The following CASKIN1 variants were observed in gnomAD, a reference collection of about 807,000 sequenced individuals.
The protein encoded by CASKIN1 is CASK interacting protein 1.
Under a neutral mutation model 117.5 loss-of-function variants are expected in CASKIN1, and 42 were observed. The ratio of observed to expected loss-of-function variants is 0.36; its 90% confidence interval spans 0.28 to 0.46. CASKIN1 has a LOEUF of 0.46. Among genes scored for constraint, CASKIN1 ranks in the 20% least tolerant of loss-of-function variants. The probability of loss-of-function intolerance (pLI) is 1.00; values close to 1 mark genes in which losing one functional copy is unlikely to be tolerated. For missense variants in CASKIN1, 2,083 were observed against 2,077.3 expected, an observed-to-expected ratio of 1.00 and a Z score of -0.05; for synonymous variants, 1,148 against 961.7, an observed-to-expected ratio of 1.19 and a Z score of -3.59.
Position 2,178,973 on chromosome 16 carries a change from T to G in CASKIN1, c.4128A>C (p.Thr1376=), listed in dbSNP as rs1489081781. 6.9e-7 allele frequency: 1 copy of G among 1,455,960 alleles called. No homozygotes were observed. Among genetic ancestry groups the G allele is most frequent in the Non-Finnish European group, 9.0e-7 (1 of 1,111,202 alleles). 90.2% of individuals were successfully genotyped at this position (1,455,960 alleles called of 1,614,324 possible). A position where few individuals can be genotyped will look rare whatever the true frequency, so the allele number is the denominator to read the frequency against. ...GDSARQKLEE[T]SACLAAALQA... ...GCAGCGCCGCGGCCAGGCACGCGCT[T>G]GTCTCCTCCAGTTTCTGCCGGGCGC... The change falls in exon 19 of 20, where the codon ACA becomes ACC. Residue 1376 remains threonine (T), a synonymous_variant. Transcript: ENST00000343516.
rs201499431 is a variant in CASKIN1 at position 2,181,155 on chromosome 16, G to A, written c.2213C>T (p.Pro738Leu). 728 of 1,494,420 alleles carry A rather than the reference G, an allele frequency of 4.9e-4. No homozygotes were observed. Among genetic ancestry groups the A allele is most frequent in the Middle Eastern group, 1.4e-3 (7 of 4,938 alleles). 92.6% of individuals were successfully genotyped at this position (1,494,420 alleles called of 1,614,324 possible). The change falls in exon 18 of 20, where the codon CCG becomes CTG. Residue 738 changes from proline to leucine, a missense_variant. By Grantham distance (98) the Pro-to-Leu change is moderately conservative. Transcript: ENST00000343516. ...GCGGCCGGGCCGGGCCTCCCTGGGC[G>A]GGGTGCCGGGGGCGGGGCCCTCATC... The part of the protein sequence containing the change: ...LLDEGPAPGT[P>L]PREARPGRHG...
At position 2,183,767 on chromosome 16, in the gene CASKIN1, G is replaced by T; in HGVS notation, c.1528-20C>A. The T allele has an allele frequency of 1.2e-6, 2 of 1,612,998 alleles. No individual in the cohort carries two copies. Among genetic ancestry groups the T allele is most frequent in the East Asian group, 2.2e-5 (1 of 44,862 alleles). ...GAGGTCCTAGGCAGTGGGGAGGCTT[G>T]TCAGCTAGGGGCTGGGCCCATCTGT... is the stretch of plus-strand genomic sequence containing the variant. On this transcript the variant is annotated intron_variant, in intron 15 of 19. Coordinates refer to ENST00000343516, the MANE Select transcript of CASKIN1 (RefSeq NM_020764.4).
chr16:2,195,779 G>A lies in CASKIN1; in HGVS notation c.94+560C>T, dbSNP rs1465401742. ...CTGGGCTGGGCGACCTTGGGCCTCT[G>A]CTCTCCCATCAGTAAATGGCACCCC... is the stretch of plus-strand genomic sequence containing the variant. On this transcript the variant is annotated intron_variant, in intron 1 of 19. Coordinates refer to ENST00000343516, the MANE Select transcript of CASKIN1 (RefSeq NM_020764.4). 2.0e-5 allele frequency among the ~76,000 whole-genome samples: 3 copies of A among 152,330 alleles called. No homozygotes were observed. In the East Asian group the frequency reaches 5.8e-4, roughly 29 times the overall value.
Position 2,178,034 on chromosome 16 carries a change from T to C in CASKIN1, c.*516A>G. 2.2e-6 allele frequency: 1 copy of C among 448,682 alleles called. No individual in the cohort carries two copies. Among genetic ancestry groups the C allele is most frequent in the Non-Finnish European group, 4.2e-6 (1 of 238,548 alleles). The allele number at this position is 448,682 out of a possible 1,614,324, so 27.8% of individuals were successfully genotyped here. On this transcript the variant is annotated 3_prime_UTR_variant, in exon 20 of 20. Coordinates refer to ENST00000343516, the MANE Select transcript of CASKIN1 (RefSeq NM_020764.4). Reference sequence around the variant, plus strand: ...TTCTATAGAATCAATAATATTTCTTTCTTTAAATATATATTTGTTAAAGTT... The same window carrying C: ...TTCTATAGAATCAATAATATTTCTTCCTTTAAATATATATTTGTTAAAGTT...
chr16:2,184,209 C>T (rs746727960), intron 14 of CASKIN1, among the ~76,000 whole-genome samples: 18 of 152,044 alleles, frequency 1.2e-4, no homozygotes, highest in Non-Finnish European at 1.9e-4. Flanking sequence ...TGCTACTGTC[C>T]GCCACACGCC....
In CASKIN1 at chr16:2,180,946, G is replaced by A; in HGVS notation, c.2422C>T (p.Pro808Ser). The change falls in exon 18 of 20, where the codon CCG becomes TCG. Residue 808 changes from proline (P) to serine (S), a missense_variant. Pro to Ser is a moderately conservative substitution (Grantham distance 74). Around this residue, in one of 3 missense-constraint regions of CASKIN1, gnomAD observed 1,818 missense variants for 1,688.9 expected, o/e 1.08. Coordinates refer to ENST00000343516, the MANE Select transcript of CASKIN1 (RefSeq NM_020764.4). ...CGCTCTGTCGGCGGCAGCAGCTGCG[G>A]GGTGGGCTTCACCTTGGCCGTAGCT... ...APATAKVKPT[P>S]QLLPPTERPM... The A allele has an allele frequency of 1.4e-6, 2 of 1,465,408 alleles. No homozygotes were observed. The highest frequency in any genetic ancestry group is 1.8e-6 in the Non-Finnish European group (2 of 1,114,370). 90.8% of individuals were successfully genotyped at this position (1,465,408 alleles called of 1,614,324 possible).
At chr16:2,195,559 A>T (rs1338526715) in intron 1 of CASKIN1, among the ~76,000 whole-genome samples, 1 of 152,194 alleles carries the variant, frequency 6.6e-6, no homozygotes, top group Non-Finnish European at 1.5e-5. Flanking sequence ...GAGTGCTGGG[A>T]CCAGGGCTCC....
rs1200350440 is a variant in CASKIN1 at position 2,187,500 on chromosome 16, CAGG to C, written c.618-42_618-40del. 25 of 1,552,576 alleles carry C rather than the reference CAGG, an allele frequency of 1.6e-5. No homozygotes were observed. The Admixed American group carries it at 3.2e-4, about 20-fold the overall frequency. On this transcript the variant is annotated intron_variant, in intron 6 of 19. Transcript: ENST00000343516. ...AAGGTGGACAGGCGGGGCCTTCCAG[CAGG>C]AGGCCGGCCCCAGCACCCCCAAGCC... is the stretch of plus-strand genomic sequence containing the variant.
chr16:2,181,102 C>A lies in CASKIN1; in HGVS notation c.2266G>T (p.Val756Leu). ...RHGHSIKRASVPPVPGKPRQV... is the reference protein window; with the variant it reads ...RHGHSIKRASLPPVPGKPRQV... The stretch of plus-strand genomic sequence containing the variant: ...CGTGGCTTGCCAGGCACGGGGGGCA[C>A]GCTGGCCCTCTTGATGCTGTGGCCG... The change falls in exon 18 of 20, where the codon GTG becomes TTG. Residue 756 changes from valine (V) to leucine (L), a missense_variant. By Grantham distance (32) the Val-to-Leu change is conservative. This residue lies in a region of CASKIN1 where 1,818 missense variants were observed against 1,688.9 expected (regional missense o/e 1.08). Coordinates refer to ENST00000343516, the MANE Select transcript of CASKIN1 (RefSeq NM_020764.4). 1 of 1,480,170 alleles carries A rather than the reference C, an allele frequency of 6.8e-7. No individual in the cohort carries two copies. Among genetic ancestry groups the A allele is most frequent in the South Asian group, 1.4e-5 (1 of 71,986 alleles). 91.7% of individuals were successfully genotyped at this position (1,480,170 alleles called of 1,614,324 possible).
intron 1 of CASKIN1, 92 bp from the exon 2 acceptor site, chr16:2,190,450 C>A (rs1312953686): frequency 1.1e-5 from 13 of 1,176,006 alleles, no homozygotes; most frequent in Admixed American, 2.1e-5. Flanking sequence ...ATCTCCCCGG[C>A]AGGCACAAAG....
At chr16:2,189,606 A>G (rs1464804742) in intron 3 of CASKIN1, 42 bp from the exon 4 acceptor site, 3 of 1,554,674 alleles carry the variant, frequency 1.9e-6, no homozygotes, top group Non-Finnish European at 2.6e-6. Context: ...CTTGACCCCA[A>G]ACCCAACCCT....
intron 1 of CASKIN1, 129 bp from the exon 2 acceptor site, chr16:2,190,487 T>C: frequency 1.2e-6 from 1 of 817,168 alleles, no homozygotes; most frequent in Non-Finnish European, 2.0e-6. Flanking sequence ...CTGCAGACAC[T>C]CACTCGTCCA....
At position 2,179,700 on chromosome 16, in the gene CASKIN1, T is replaced by C; in HGVS notation, c.3668A>G (p.Lys1223Arg). ...GACGGGCTTGGGAGAGACAGGCGGC[T>C]TGGCCGGCTTCCGGGCTTCGCCCTC... ...PPEGEARKPAKPPVSPKPVLT... is the reference protein window; with the variant it reads ...PPEGEARKPARPPVSPKPVLT... The change falls in exon 18 of 20, where the codon AAG becomes AGG. Residue 1223 changes from lysine to arginine, a missense_variant. Physicochemically the swap from Lys to Arg is conservative, Grantham distance 26. This residue lies in a region of CASKIN1 where 1,818 missense variants were observed against 1,688.9 expected (regional missense o/e 1.08). Transcript: ENST00000343516. This position sits in a 1 kb window ranked among gnomAD's most constrained non-coding sequence, Gnocchi z 5.8. The C allele has an allele frequency of 6.6e-7, 1 of 1,523,902 alleles. No homozygotes were observed. Among genetic ancestry groups the C allele is most frequent in the Non-Finnish European group, 8.7e-7 (1 of 1,143,288 alleles). 94.4% of individuals were successfully genotyped at this position (1,523,902 alleles called of 1,614,324 possible).
At chr16:2,195,972 G>GGGA (rs1567265543) in intron 1 of CASKIN1, among the ~76,000 whole-genome samples, 2 of 149,274 alleles carry the variant, frequency 1.3e-5, no homozygotes, top group African/African-American at 5.0e-5. Context: ...CGTGTGGTGG[G>GGGA]TGGGGGGGGC....
intron 1 of CASKIN1, among the ~76,000 whole-genome samples, 153 bp from the exon 2 acceptor site, chr16:2,190,511 G>A (rs1368942358): frequency 6.6e-6 from 1 of 152,206 alleles, no homozygotes; most frequent in Non-Finnish European, 1.5e-5. Context: ...GTGCACTCAC[G>A]CGTTCAGCTC....
Position 2,181,877 on chromosome 16 carries a change from A to G in CASKIN1, c.1682T>C (p.Val561Ala), listed in dbSNP as rs1426595070. ...SMIGLAQYYK[V>A]LVDNGYENID... ...GTTCTCGTAGCCATTGTCCACCAACACCTTGTAGTACTGGGCCAGGCCGAT... is the reference window on the plus strand; with the variant it reads ...GTTCTCGTAGCCATTGTCCACCAACGCCTTGTAGTACTGGGCCAGGCCGAT... Residue 561 changes from valine (V) to alanine (A), a missense_variant, in exon 17 of 20, where the codon GTG becomes GCG. Physicochemically the swap from Val to Ala is moderately conservative, Grantham distance 64 (BLOSUM62 0). Transcript: ENST00000343516. The G allele has an allele frequency of 6.2e-6, 10 of 1,613,714 alleles. No individual in the cohort carries two copies. Among genetic ancestry groups the G allele is most frequent in the Non-Finnish European group, 8.5e-6 (10 of 1,179,968 alleles).
At position 2,190,302 on chromosome 16, in the gene CASKIN1, C is replaced by A; in HGVS notation, c.146+5G>T. On this transcript the variant is annotated splice_donor_5th_base_variant and intron_variant, in intron 2 of 19. Coordinates refer to ENST00000343516, the MANE Select transcript of CASKIN1 (RefSeq NM_020764.4). ...CAGGCAGGCACCACCCGGCTCAGAA[C>A]TCACCCATCCGGGTCCTGGAAGTTG... 1 of 1,576,204 alleles carries A rather than the reference C, an allele frequency of 6.3e-7. No individual in the cohort carries two copies. Among genetic ancestry groups the A allele is most frequent in the Admixed American group, 1.8e-5 (1 of 54,370 alleles).
intron 1 of CASKIN1, among the ~76,000 whole-genome samples, chr16:2,192,121 G>A (rs2093202994): frequency 6.6e-6 from 1 of 151,998 alleles, no homozygotes; most frequent in Non-Finnish European, 1.5e-5. Context: ...GCAAGACCTT[G>A]TCTCTACAAA....
chr16:2,182,242 G>C lies in CASKIN1; in HGVS notation c.1630-313C>G, dbSNP rs369475128. ...AGCCACGAGTACAGCACCATGGGGA[G>C]ACACACCCGAGTCATGGACACAGAC... On this transcript the variant is annotated intron_variant, in intron 16 of 19. Coordinates refer to ENST00000343516, the MANE Select transcript of CASKIN1 (RefSeq NM_020764.4). The surrounding 1 kb of genome is among the most constrained non-coding windows in gnomAD (Gnocchi z 4.1). Among the ~76,000 whole-genome samples the C allele has an allele frequency of 1.3e-5, 2 of 152,232 alleles. No individual in the cohort carries two copies. The highest frequency in any genetic ancestry group is 2.4e-5 in the African/African-American group (1 of 41,536).
Sources: allele counts gnomAD v4.1 joint callset (sites outside exome capture counted in the v4.1 genomes callset), GRCh38; gene constraint gnomAD v4.1.1; regional missense constraint gnomAD v4.1.1; non-coding constraint Gnocchi (gnomAD v3.1); transcripts MANE v1.5; gene names NCBI Gene and HGNC (gene_info 2026-07-23, HGNC 2026-07-21).